Variants in SLC18A1 observed in about 807,000 individuals in gnomAD.
The protein encoded by SLC18A1 is solute carrier family 18 member A1.
In SLC18A1, 69 loss-of-function variants were observed where a neutral mutation model predicts 53.7. The ratio of observed to expected loss-of-function variants is 1.28; its 90% CI spans 1.06 to 1.57. The LOEUF is 1.57. SLC18A1 is among the 40% of genes most tolerant of loss of function. The pLI, the probability that SLC18A1 is intolerant of heterozygous loss-of-function variation, is 0.00. For missense variants in SLC18A1, 932 were observed against 668.1 expected (o/e 1.40, Z -4.35); for synonymous variants, 320 against 248.1 (o/e 1.29, Z -2.72).
intron 4 of SLC18A1, among the ~76,000 whole-genome samples, 167 bp downstream of exon 4, chr8:20,178,268 T>C (rs1005965864): frequency 6.6e-6 from 1 of 152,218 alleles, no homozygotes; most frequent in Non-Finnish European, 1.5e-5. Context: ...TTGTCACTAC[T>C]GTTCTAGTCC....
At chr8:20,163,944 G>C (rs1262990646) in intron 10 of SLC18A1, among the ~76,000 whole-genome samples, 1 of 152,092 alleles carries the variant, frequency 6.6e-6, no homozygotes, top group Non-Finnish European at 1.5e-5. Flanking sequence ...AGAGCCTTAG[G>C]GCAGGCGATG....
At chr8:20,149,634 C>A (rs751887287) in intron 12 of SLC18A1, 42 bp downstream of exon 12, 6 of 1,497,142 alleles carry the variant, frequency 4.0e-6, no homozygotes, top group African/African-American at 1.4e-5. Context: ...CTGTCTCTCG[C>A]TCTCTCTCTC....
In SLC18A1 at chr8:20,179,392, G is replaced by A; in HGVS notation, c.217C>T (p.Leu73Phe). ...LGHAGSSPHALASPAFSTIFS... is the reference protein window; with the variant it reads ...LGHAGSSPHAFASPAFSTIFS... Reference sequence around the variant, plus strand: ...ATGGTGGAAAAGGCAGGAGAGGCGAGGGCATGTGGGGAACTTCCGGCATGG... The same window carrying A: ...ATGGTGGAAAAGGCAGGAGAGGCGAAGGCATGTGGGGAACTTCCGGCATGG... Residue 73 changes from leucine (L) to phenylalanine (F), a missense_variant, in exon 3 of 16, where the codon CTC becomes TTC. By Grantham distance (22) the Leu-to-Phe change is conservative (BLOSUM62 0). Transcript: ENST00000276373. 1 of 1,614,068 alleles carries A rather than the reference G, an allele frequency of 6.2e-7. No individual in the cohort carries two copies.
At chr8:20,153,741 C>G (rs1438147916) in intron 10 of SLC18A1, among the ~76,000 whole-genome samples, 1 of 151,940 alleles carries the variant, frequency 6.6e-6, no homozygotes, top group Non-Finnish European at 1.5e-5. Flanking sequence ...ATTGGTGATC[C>G]CAGTTTGGTC....
chr8:20,163,489 C>G (rs896158790), intron 10 of SLC18A1, among the ~76,000 whole-genome samples: 1 of 152,104 alleles, frequency 6.6e-6, no homozygotes, highest in African/African-American at 2.4e-5. Flanking sequence ...GTGATGCTAC[C>G]TAGTATATGG....
intron 4 of SLC18A1, among the ~76,000 whole-genome samples, chr8:20,177,125 G>A (rs765557259): frequency 6.6e-6 from 1 of 152,264 alleles, no homozygotes; most frequent in Non-Finnish European, 1.5e-5. Context: ...TAAATTTGCT[G>A]TCTAACTTAG....
intron 10 of SLC18A1, among the ~76,000 whole-genome samples, chr8:20,153,666 C>CA (rs56952100): frequency 3.2e-3 from 411 of 128,234 alleles, no homozygotes; most frequent in African/African-American, 7.3e-3. Context: ...GACTCTGTCT[C>CA]AAAAAAAAAA....
intron 9 of SLC18A1, 31 bp downstream of exon 9, chr8:20,165,016 C>A: frequency 1.2e-6 from 2 of 1,613,952 alleles, no homozygotes; most frequent in South Asian, 2.2e-5. Context: ...CCAGACACTC[C>A]CCGCCCAATG....
intron 8 of SLC18A1, among the ~76,000 whole-genome samples, chr8:20,168,962 A>C (rs1161852118): frequency 6.6e-6 from 1 of 152,190 alleles, no homozygotes; most frequent in East Asian, 1.9e-4. Flanking sequence ...ATCTAGGCAG[A>C]AAGGAAATTT....
Position 20,145,818 on chromosome 8 carries a change from G to A in SLC18A1, c.1523C>T (p.Thr508Met), listed in dbSNP as rs967049477. Residue 508 changes from threonine (T) to methionine (M), a missense_variant, in exon 16 of 16, where the codon ACG becomes ATG. Physicochemically the swap from Thr to Met is moderately conservative, Grantham distance 81. Coordinates refer to ENST00000276373, the MANE Select transcript of SLC18A1 (RefSeq NM_003053.4). ...ETRMYATQKPTKEFPLGEDSD... is the reference protein window; with the variant it reads ...ETRMYATQKPMKEFPLGEDSD... The stretch of plus-strand genomic sequence containing the variant: ...GTCCTCCCCCAGAGGAAATTCCTTC[G>A]TGGGCTTCTGGGTTGCATACATCCG... The A allele has an allele frequency of 1.2e-6, 2 of 1,612,254 alleles. No individual in the cohort carries two copies. The highest frequency in any genetic ancestry group is 2.2e-5 in the East Asian group (1 of 44,796).
chr8:20,171,055 T>TC (rs747182400), intron 8 of SLC18A1, 48 bp downstream of exon 8: 3 of 1,589,238 alleles, frequency 1.9e-6, no homozygotes, highest in Admixed American at 3.4e-5. Flanking sequence ...GTTCCTGCAT[T>TC]CAGCCATCCT....
chr8:20,154,441 C>A (rs1403959105), intron 10 of SLC18A1, among the ~76,000 whole-genome samples: 1 of 152,092 alleles, frequency 6.6e-6, no homozygotes, highest in East Asian at 1.9e-4. Flanking sequence ...TTGCAACAAA[C>A]AAGGGTTCGG....
chr8:20,181,069 C>T lies in SLC18A1; in HGVS notation c.-105G>A. On this transcript the variant is annotated 5_prime_UTR_variant, in exon 2 of 16. Coordinates refer to ENST00000276373, the MANE Select transcript of SLC18A1 (RefSeq NM_003053.4). ...TTTATGGAAGAGGGGAGGGAGTCTG[C>T]CCAGACGAAGGAAACTCACTATTAA... 3 of 1,385,688 alleles carry T rather than the reference C, an allele frequency of 2.2e-6. No homozygotes were observed. Among genetic ancestry groups the T allele is most frequent in the African/African-American group, 2.9e-5 (2 of 68,642 alleles). The allele number at this position is 1,385,688 out of a possible 1,614,324, so 85.8% of individuals were successfully genotyped here. A position where few individuals can be genotyped will look rare whatever the true frequency, so the allele number is the denominator to read the frequency against.
At chr8:20,149,599 T>A in intron 12 of SLC18A1, 77 bp downstream of exon 12, 1 of 1,153,092 alleles carries the variant, frequency 8.7e-7, no homozygotes, top group Non-Finnish European at 1.3e-6. Context: ...CCTCTCTCTC[T>A]CTCTCTCTCT....
At chr8:20,170,273 T>C (rs13264146) in intron 8 of SLC18A1, among the ~76,000 whole-genome samples, 17,797 of 152,260 alleles carry the variant, frequency 0.12, 1,259 homozygotes, top group Middle Eastern at 0.3. Flanking sequence ...TTCTTTCAGA[T>C]GCTTCTCTGT....
intron 11 of SLC18A1, 40 bp downstream of exon 11, chr8:20,150,626 T>TA (rs2071527252): frequency 6.4e-7 from 1 of 1,552,376 alleles, no homozygotes; most frequent in African/African-American, 1.4e-5. Flanking sequence ...TCTTCCATCT[T>TA]ACATTTCTAC....
At chr8:20,163,920 G>C (rs1248131064) in intron 10 of SLC18A1, among the ~76,000 whole-genome samples, 1 of 152,136 alleles carries the variant, frequency 6.6e-6, no homozygotes, top group Non-Finnish European at 1.5e-5. Flanking sequence ...CTAGTATCGA[G>C]ACCCTGAGTG....
intron 8 of SLC18A1, among the ~76,000 whole-genome samples, chr8:20,169,033 C>G (rs2072043836): frequency 6.6e-6 from 1 of 152,034 alleles, no homozygotes; most frequent in Admixed American, 6.6e-5. Flanking sequence ...ATATTAGTTA[C>G]AAGGTGAAGA....
chr8:20,149,872 T>C (rs2071505261), intron 11 of SLC18A1, 145 bp from the exon 12 acceptor site: 5 of 691,788 alleles, frequency 7.2e-6, no homozygotes, highest in African/African-American at 5.3e-5. Context: ...CATGACCAGT[T>C]TGTACCCAAA....
Sources: gnomAD v4.1 joint callset for allele counts (sites outside exome capture counted in the v4.1 genomes callset) on GRCh38, gnomAD v4.1.1 for gene constraint, MANE v1.5 for transcripts, NCBI Gene and HGNC (gene_info 2026-07-23, HGNC 2026-07-21) for gene names.